DGKB: variants seen among roughly 807,000 people sequenced by gnomAD.
The protein encoded by DGKB is 90 kDa diacylglycerol kinase.
DGKB carries 67 observed loss-of-function variants against 114.3 expected under a neutral mutation model. That is an observed-to-expected ratio of 0.59 (90% confidence interval 0.48 to 0.72). The LOEUF (loss-of-function observed/expected upper bound fraction) is 0.72. Among genes scored for constraint, DGKB ranks in the 30% least tolerant of loss-of-function variants. The pLI is 0.00. For synonymous variants in DGKB, 398 were observed against 323.1 expected (o/e 1.23, Z -2.49); for missense variants, 907 against 975.2 (o/e 0.93, Z 0.93).
chr7:14,779,190 T>C (rs1287447259), intron 2 of DGKB, among the ~76,000 whole-genome samples: 2 of 152,128 alleles, frequency 1.3e-5, no homozygotes, highest in African/African-American at 2.4e-5. Flanking sequence ...AAGTTTGTCA[T>C]CTTTATTTAA....
At chr7:14,270,413 T>A (rs1163199856) in intron 23 of DGKB, among the ~76,000 whole-genome samples, 1 of 152,136 alleles carries the variant, frequency 6.6e-6, no homozygotes, top group Non-Finnish European at 1.5e-5. Flanking sequence ...CAGCCTATGG[T>A]CTGTAGTGTG....
chr7:14,642,262 AT>A (rs1269837436), intron 13 of DGKB, among the ~76,000 whole-genome samples: 100 of 152,270 alleles, frequency 6.6e-4, no homozygotes, highest in African/African-American at 2.3e-3. Flanking sequence ...ATTCTTGACC[AT>A]CTAAAACTAT....
chr7:14,185,506 A>C (rs2128257687), intron 23 of DGKB, among the ~76,000 whole-genome samples: 1 of 152,292 alleles, frequency 6.6e-6, no homozygotes, highest in Non-Finnish European at 1.5e-5. Context: ...TCACAGAATT[A>C]GAAAAAAAAA....
chr7:14,757,220 A>G (rs1273043402), intron 3 of DGKB, among the ~76,000 whole-genome samples: 1 of 151,994 alleles, frequency 6.6e-6, no homozygotes, highest in Non-Finnish European at 1.5e-5. Context: ...ACCAATATCC[A>G]TTTTGGATTG....
At chr7:14,414,123 T>C (rs943608439) in intron 21 of DGKB, among the ~76,000 whole-genome samples, 2 of 152,146 alleles carry the variant, frequency 1.3e-5, no homozygotes, top group African/African-American at 2.4e-5. Context: ...TTTCAAAATA[T>C]ATCAATAAAA....
rs558871018 is a variant in DGKB, at chr7:14,145,993, A to T, written c.*3138T>A. The stretch of plus-strand genomic sequence containing the variant: ...TGATTCATTAGCCCTCACTGGATTT[A>T]AATTTCTGTCTGCAGTAGACTAGGC... On this transcript the variant is annotated 3_prime_UTR_variant, in exon 26 of 26. Coordinates refer to ENST00000402815, the MANE Select transcript of DGKB (RefSeq NM_001350709.2). The T allele has an allele frequency of 6.6e-6, 1 of 152,214 alleles. No homozygotes were observed. Among genetic ancestry groups the T allele is most frequent in the Non-Finnish European group, 1.5e-5 (1 of 68,040 alleles). 9.4% of individuals were successfully genotyped at this position (152,214 alleles called of 1,614,324 possible).
chr7:14,260,123 C>T (rs1796557360), intron 23 of DGKB, among the ~76,000 whole-genome samples: 1 of 130,818 alleles, frequency 7.6e-6, no homozygotes, highest in East Asian at 2.2e-4. Context: ...CACACACACA[C>T]ACACACACAC....
intron 23 of DGKB, among the ~76,000 whole-genome samples, chr7:14,332,309 C>G (rs1562953148): frequency 6.6e-6 from 1 of 152,132 alleles, no homozygotes; most frequent in Non-Finnish European, 1.5e-5. Context: ...CCAAAGTTGT[C>G]CAGATAAGCA....
At chr7:14,688,533 C>T (rs1444309661) in intron 9 of DGKB, among the ~76,000 whole-genome samples, 1 of 152,072 alleles carries the variant, frequency 6.6e-6, no homozygotes, top group Non-Finnish European at 1.5e-5. Flanking sequence ...ATTTTTCAGT[C>T]AAAATAATTG....
At chr7:14,682,707 CT>C (rs1563897381) in intron 11 of DGKB, 38 bp from the exon 12 acceptor site, 1 of 1,606,108 alleles carries the variant, frequency 6.2e-7, no homozygotes, top group African/African-American at 1.3e-5. Flanking sequence ...AGAGGACACA[CT>C]ACATAATGGC....
At chr7:14,577,392 T>C (rs1303164264) in intron 19 of DGKB, among the ~76,000 whole-genome samples, 4 of 151,902 alleles carry the variant, frequency 2.6e-5, no homozygotes, top group Admixed American at 6.6e-5. Flanking sequence ...TCAAGGCGGG[T>C]GGATCACGAG....
At chr7:14,953,770 C>T (rs746514431) in intron 1 of DGKB, among the ~76,000 whole-genome samples, 1 of 152,080 alleles carries the variant, frequency 6.6e-6, no homozygotes, top group Admixed American at 6.6e-5. Context: ...ATTATTCATA[C>T]TAAACAAGAA....
chr7:14,499,811 C>G (rs548717286), intron 20 of DGKB, among the ~76,000 whole-genome samples: 14 of 151,552 alleles, frequency 9.2e-5, no homozygotes, highest in Non-Finnish European at 1.9e-4. Flanking sequence ...AAAGCATAGC[C>G]TAGTGTAGTA....
intron 25 of DGKB, among the ~76,000 whole-genome samples, chr7:14,164,466 G>A (rs922618636): frequency 1.3e-5 from 2 of 152,156 alleles, no homozygotes; most frequent in Non-Finnish European, 1.5e-5. Context: ...TTAATGCAAC[G>A]GTCTTGGGAG....
At chr7:14,794,246 G>T (rs1477243328) in intron 2 of DGKB, among the ~76,000 whole-genome samples, 63 of 152,132 alleles carry the variant, frequency 4.1e-4, no homozygotes, top group Non-Finnish European at 4.4e-5. Context: ...ATTGGTTCTG[G>T]AGTTTCTAGA....
chr7:14,850,305 G>A (rs563040428), intron 1 of DGKB, among the ~76,000 whole-genome samples: 7 of 151,882 alleles, frequency 4.6e-5, no homozygotes, highest in Non-Finnish European at 1.0e-4. Flanking sequence ...AGAGACAGAA[G>A]TAGTTATCCA....
intron 2 of DGKB, among the ~76,000 whole-genome samples, chr7:14,778,913 T>G (rs1838646001): frequency 6.6e-6 from 1 of 152,214 alleles, no homozygotes; most frequent in South Asian, 2.1e-4. Flanking sequence ...CCCAGCATTT[T>G]GGGAGGCTGA....
At chr7:14,776,254 C>G (rs1229205445) in intron 2 of DGKB, among the ~76,000 whole-genome samples, 8 of 152,120 alleles carry the variant, frequency 5.3e-5, no homozygotes, top group Admixed American at 5.2e-4. Flanking sequence ...AAATTTGCAG[C>G]CTGATGATGC....
intron 2 of DGKB, among the ~76,000 whole-genome samples, chr7:14,789,848 T>A (rs2128504602): frequency 6.6e-6 from 1 of 152,292 alleles, no homozygotes; most frequent in African/African-American, 2.4e-5. Context: ...CATGTTTAGT[T>A]TTTTAAGAAA....
Sources: gnomAD v4.1 joint callset for allele counts (sites outside exome capture counted in the v4.1 genomes callset) on GRCh38, gnomAD v4.1.1 for gene constraint, MANE v1.5 for transcripts, NCBI Gene and HGNC (gene_info 2026-07-23, HGNC 2026-07-21) for gene names.